Variants in HTT observed in about 807,000 individuals in gnomAD.
HTT encodes huntingtin.
A neutral mutation model predicts 362.3 loss-of-function variants in HTT; 104 were observed. That is an observed-to-expected ratio of 0.29 (90% CI 0.24 to 0.34). HTT has a LOEUF of 0.34. Ranked by LOEUF, HTT falls within the 10% of genes least tolerant of loss-of-function variation. The pLI is 1.00. For synonymous variants in HTT, 1,577 were observed against 1,548.7 expected, an observed-to-expected ratio of 1.02 and a Z score of -0.43; for missense variants, 3,301 against 3,928.6, an observed-to-expected ratio of 0.84 and a Z score of 4.27.
At chr4:3,136,381 C>A in intron 21 of HTT, 55 bp downstream of exon 21, 3 of 895,084 alleles carry the variant, frequency 3.4e-6, no homozygotes, top group Non-Finnish European at 5.4e-6. Context: ...CTAAAAGATA[C>A]GAGAATGGAA....
intron 19 of HTT, among the ~76,000 whole-genome samples, chr4:3,135,107 G>C (rs1715997881): frequency 6.6e-6 from 1 of 151,986 alleles, no homozygotes; most frequent in East Asian, 1.9e-4. Flanking sequence ...GGGAATAAAA[G>C]AGCTTAGAAT....
At chr4:3,181,256 A>G (rs1182404697) in intron 36 of HTT, among the ~76,000 whole-genome samples, 3 of 152,210 alleles carry the variant, frequency 2.0e-5, no homozygotes, top group Non-Finnish European at 2.9e-5. Flanking sequence ...GAGATCGTTC[A>G]AGATAGTGAG....
In HTT at chr4:3,206,808, C is replaced by T. The variant is rs772907348; in HGVS notation, c.5900C>T (p.Pro1967Leu). 1 of 1,596,152 alleles carries T rather than the reference C, an allele frequency of 6.3e-7. No individual in the cohort carries two copies. The highest frequency in any genetic ancestry group is 1.1e-5 in the South Asian group (1 of 88,914). The change falls in exon 44 of 67, where the codon CCA becomes CTA. Residue 1967 changes from proline to leucine, a missense_variant and splice_region_variant. Physicochemically the swap from Pro to Leu is moderately conservative, Grantham distance 98. This residue lies in a region of HTT where 2,316 missense variants were observed against 2,658.5 expected (regional missense o/e 0.87). Coordinates refer to ENST00000355072, the MANE Select transcript of HTT (RefSeq NM_001388492.1). This position sits in a 1 kb window ranked among gnomAD's most constrained non-coding sequence, Gnocchi z 4.6. The part of the protein sequence containing the change: ...IQSRCENLST[P>L]TMLKKTLQCL... ...TGTTCTTTTCCTTCTTGCTGTTAGC[C>T]AACCATGCTGAAGAAAACTCTTCAG...
At position 3,107,439 on chromosome 4, in the gene HTT, C is replaced by T. The variant is rs778014563; in HGVS notation, c.747+16C>T. On this transcript the variant is annotated intron_variant, in intron 6 of 66. Coordinates refer to ENST00000355072, the MANE Select transcript of HTT (RefSeq NM_001388492.1). Reference sequence around the variant, plus strand: ...TGAAATTAAGGTATGATTGTTGCCTCAGGTCACAAACATGCGAGTGATGCT... The same window carrying T: ...TGAAATTAAGGTATGATTGTTGCCTTAGGTCACAAACATGCGAGTGATGCT... 15 of 1,613,630 alleles carry T rather than the reference C, an allele frequency of 9.3e-6. No homozygotes were observed. The South Asian group carries it at 1.5e-4, about 17-fold the overall frequency.
chr4:3,237,930 G>A (rs1027506677), intron 64 of HTT, among the ~76,000 whole-genome samples: 3 of 152,228 alleles, frequency 2.0e-5, no homozygotes, highest in Admixed American at 6.5e-5. Context: ...GCCACGAAGC[G>A]TTAGAACACA....
At chr4:3,115,015 T>A (rs1357561604) in intron 6 of HTT, among the ~76,000 whole-genome samples, 1 of 152,162 alleles carries the variant, frequency 6.6e-6, no homozygotes, top group African/African-American at 2.4e-5. Context: ...CCCCAAATAC[T>A]GTGGGCAGAG....
intron 41 of HTT, among the ~76,000 whole-genome samples, chr4:3,201,098 G>A (rs755368116): frequency 6.6e-6 from 1 of 152,246 alleles, no homozygotes; most frequent in South Asian, 2.1e-4. Context: ...TTCAGCAAGC[G>A]TCTTCATTCA....
intron 12 of HTT, chr4:3,129,219 G>A (rs568984644): frequency 6.6e-6 from 1 of 152,412 alleles, no homozygotes; most frequent in African/African-American, 2.4e-5. Context: ...ATGAACGTGG[G>A]TGTACAGATA....
intron 57 of HTT, among the ~76,000 whole-genome samples, chr4:3,226,186 GC>G (rs1720903775): frequency 6.6e-6 from 1 of 152,090 alleles, no homozygotes; most frequent in Admixed American, 6.5e-5. Context: ...CTCTTGGGGG[GC>G]TCCCTGAGTG....
chr4:3,132,504 C>T (rs992454728), intron 16 of HTT, 58 bp from the exon 17 acceptor site: 18 of 1,440,550 alleles, frequency 1.2e-5, no homozygotes, highest in Middle Eastern at 1.8e-4. Flanking sequence ...GCTTTTGTTT[C>T]GAGTTAGAAA....
rs1457514406 is a variant in HTT at position 3,154,315 on chromosome 4, AC to A, written c.3527del (p.Pro1176LeufsTer3). 6.2e-7 allele frequency: 1 copy of A among 1,601,672 alleles called. No individual in the cohort carries two copies. The highest frequency in any genetic ancestry group is 1.1e-5 in the South Asian group (1 of 89,112). On this transcript the variant is annotated frameshift_variant, in exon 27 of 67. Transcript: ENST00000355072. LOFTEE classifies it high-confidence loss of function. The part of the protein sequence containing the change: ...AIKAALPSLT[N>X]PPSLSPIRRK... ...TAGGCAGCCTTGCCTTCTCTAACAA[AC>A]CCCCCTTCTCTAAGTCCCATCCGAC...
chr4:3,225,327 G>A (rs1181446173), intron 56 of HTT, among the ~76,000 whole-genome samples: 3 of 152,204 alleles, frequency 2.0e-5, no homozygotes, highest in African/African-American at 7.2e-5. Context: ...TGCAACTGCT[G>A]ACTCCTAAGC....
At chr4:3,170,497 TC>T (rs1717920444) in intron 29 of HTT, among the ~76,000 whole-genome samples, 1 of 152,180 alleles carries the variant, frequency 6.6e-6, no homozygotes, top group South Asian at 2.1e-4. Flanking sequence ...TTCCCTGGCC[TC>T]AGGGAGTTTT....
intron 23 of HTT, among the ~76,000 whole-genome samples, chr4:3,143,233 CGG>C (rs1560566923): frequency 5.9e-5 from 9 of 151,912 alleles, no homozygotes. Flanking sequence ...GGTCAGGAGT[CGG>C]ATACCAGCCT....
chr4:3,221,628 G>C (rs1403426121), intron 53 of HTT, among the ~76,000 whole-genome samples: 2 of 152,112 alleles, frequency 1.3e-5, no homozygotes, highest in African/African-American at 4.8e-5. Context: ...TAGTTCTCCT[G>C]TCCTAAGCAC....
At position 3,206,782 on chromosome 4, in the gene HTT, T is replaced by C; in HGVS notation, c.5899-25T>C. On this transcript the variant is annotated intron_variant, in intron 43 of 66. Transcript: ENST00000355072. The surrounding 1 kb of genome is among the most constrained non-coding windows in gnomAD (Gnocchi z 4.6). Reference sequence around the variant, plus strand: ...TTCTGATTTGCAAAATAGTCATCTTTTGTTCTTTTCCTTCTTGCTGTTAGC... The same window carrying C: ...TTCTGATTTGCAAAATAGTCATCTTCTGTTCTTTTCCTTCTTGCTGTTAGC... The C allele has an allele frequency of 6.3e-7, 1 of 1,592,118 alleles. No individual in the cohort carries two copies. Among genetic ancestry groups the C allele is most frequent in the Admixed American group, 1.7e-5 (1 of 57,200 alleles).
rs1454828856 is a variant in HTT, at chr4:3,243,060, G to A, written c.*3001G>A. ...GGACACCCCTCGCCCCCATCTTCAT[G>A]GAGGGGGTCATTTCAGAGCCCTCGG... On this transcript the variant is annotated 3_prime_UTR_variant, in exon 67 of 67. Coordinates refer to ENST00000355072, the MANE Select transcript of HTT (RefSeq NM_001388492.1). 1.3e-5 allele frequency: 2 copies of A among 152,592 alleles called. No individual in the cohort carries two copies. Among genetic ancestry groups the A allele is most frequent in the Non-Finnish European group, 2.9e-5 (2 of 68,050 alleles). 9.5% of individuals were successfully genotyped at this position (152,592 alleles called of 1,614,324 possible).
At chr4:3,135,005 AG>A (rs1192822459) in intron 19 of HTT, among the ~76,000 whole-genome samples, 1 of 152,054 alleles carries the variant, frequency 6.6e-6, no homozygotes, top group Non-Finnish European at 1.5e-5. Context: ...TACAGGCATG[AG>A]CCACTGTGCC....
intron 1 of HTT, among the ~76,000 whole-genome samples, chr4:3,076,887 A>C (rs1712582488): frequency 6.6e-6 from 1 of 152,192 alleles, no homozygotes; most frequent in Non-Finnish European, 1.5e-5. Context: ...TATTTAAAAA[A>C]TTTAATCAGG....
Sources: gnomAD v4.1 joint callset for allele counts (sites outside exome capture counted in the v4.1 genomes callset) on GRCh38, gnomAD v4.1.1 for gene constraint, gnomAD v4.1.1 regional missense constraint, Gnocchi (gnomAD v3.1) non-coding constraint, MANE v1.5 for transcripts, NCBI Gene and HGNC (gene_info 2026-07-23, HGNC 2026-07-21) for gene names.